The following ANGPTL5 variants were observed in gnomAD, a reference collection of about 807,000 sequenced individuals.
ANGPTL5 encodes angiopoietin like 5, also known as angiopoietin-related protein 5.
ANGPTL5 carries 34 observed loss-of-function variants against 39.4 expected under a neutral mutation model. That is an observed-to-expected ratio of 0.86 (90% confidence interval 0.66 to 1.15). The LOEUF is 1.15. Ranked by LOEUF, ANGPTL5 falls within the 50% of genes most tolerant of loss-of-function variation. The pLI is 0.00. For missense variants in ANGPTL5, 467 were observed against 457.5 expected (o/e 1.02, Z -0.19); for synonymous variants, 146 against 152.1 (o/e 0.96, Z 0.29).
intron 1 of ANGPTL5, chr11:101,914,865 G>A (rs371163090): frequency 5.8e-6 from 1 of 172,998 alleles, no homozygotes; most frequent in African/African-American, 2.4e-5. Flanking sequence ...CTCACCCCTC[G>A]CGCAACAACC....
chr11:101,894,889 T>C lies in ANGPTL5; in HGVS notation c.837A>G (p.Ser279=). 1 of 1,612,678 alleles carries C rather than the reference T, an allele frequency of 6.2e-7. No individual in the cohort carries two copies. Among genetic ancestry groups the C allele is most frequent in the Non-Finnish European group, 8.5e-7 (1 of 1,178,884 alleles). ...RFFKMHLGRY[S]GNAGDAFRGL... ...TAAAAAAAATCTTACCAGCATTTCC[T>C]GAATACCGTCCTAAGTGCATTTTAA... is the stretch of plus-strand genomic sequence containing the variant. Residue 279 remains serine (S), a synonymous_variant, in exon 8 of 9, where the codon TCA becomes TCG. Coordinates refer to ENST00000334289, the MANE Select transcript of ANGPTL5 (RefSeq NM_178127.5).
chr11:101,900,103 G>T (rs750229004), intron 7 of ANGPTL5, among the ~76,000 whole-genome samples: 1 of 152,090 alleles, frequency 6.6e-6, no homozygotes, highest in Non-Finnish European at 1.5e-5. Context: ...CTAGGACAAC[G>T]CTGCCATTCA....
intron 1 of ANGPTL5, among the ~76,000 whole-genome samples, chr11:101,910,028 T>C (rs1940063009): frequency 6.6e-6 from 1 of 152,252 alleles, no homozygotes; most frequent in Non-Finnish European, 1.5e-5. Flanking sequence ...GGTGGAGCTC[T>C]CTGAACTTCT....
intron 5 of ANGPTL5, among the ~76,000 whole-genome samples, chr11:101,903,782 T>C (rs1939950278): frequency 6.6e-6 from 1 of 152,192 alleles, no homozygotes. Context: ...TTCAAATTAA[T>C]GTGAACAGAT....
In ANGPTL5 at chr11:101,906,295, C is replaced by A. The variant is rs541622001; in HGVS notation, c.242-448G>T. Among the ~76,000 whole-genome samples the A allele has an allele frequency of 2.0e-5, 3 of 152,180 alleles. No individual in the cohort carries two copies. The South Asian group carries it at 6.2e-4, about 32-fold the overall frequency. The stretch of plus-strand genomic sequence containing the variant: ...TTTTTCTATTAATACTATATTTACA[C>A]AATTAAATTGCTAGCACATACATAT... On this transcript the variant is annotated intron_variant, in intron 3 of 8. Transcript: ENST00000334289.
rs145627648 is a variant in ANGPTL5 at position 101,913,228 on chromosome 11, T to C, written c.-93+2791A>G. On this transcript the variant is annotated intron_variant, in intron 1 of 8. Coordinates refer to ENST00000334289, the MANE Select transcript of ANGPTL5 (RefSeq NM_178127.5). ...AAGAGGACTGCTCACTTGAGTGCCTTTGTGTCCTAAAAAAAATTTAGACAT... is the reference window on the plus strand; with the variant it reads ...AAGAGGACTGCTCACTTGAGTGCCTCTGTGTCCTAAAAAAAATTTAGACAT... Among the ~76,000 whole-genome samples, 755 of 152,298 alleles carry C rather than the reference T, an allele frequency of 5.0e-3. 7 individuals are homozygous for C. The highest frequency in any genetic ancestry group is 0.017 in the African/African-American group (727 of 41,550).
At chr11:101,901,861 A>G (rs1939906109) in intron 6 of ANGPTL5, among the ~76,000 whole-genome samples, 1 of 152,126 alleles carries the variant, frequency 6.6e-6, no homozygotes, top group Non-Finnish European at 1.5e-5. Flanking sequence ...TCCAATAAAG[A>G]CTATCAATAA....
At chr11:101,894,567 G>A (rs1332511381) in intron 8 of ANGPTL5, among the ~76,000 whole-genome samples, 1 of 152,140 alleles carries the variant, frequency 6.6e-6, no homozygotes, top group African/African-American at 2.4e-5. Context: ...ACTTCTAAAT[G>A]TCAGCCTCTC....
At chr11:101,915,543 C>G in intron 1 of ANGPTL5, 6 of 1,186,438 alleles carry the variant, frequency 5.1e-6, no homozygotes, top group Non-Finnish European at 7.0e-6. Context: ...CAGATATTTC[C>G]TTTAGCAACT....
At chr11:101,911,193 G>A (rs1487871161) in intron 1 of ANGPTL5, among the ~76,000 whole-genome samples, 5 of 127,074 alleles carry the variant, frequency 3.9e-5, no homozygotes, top group South Asian at 2.7e-4. Flanking sequence ...GCACAATCTC[G>A]GCTCACTGCA....
rs755769571 is a variant in ANGPTL5, at chr11:101,891,523, T to A, written c.923A>T (p.Asp308Val). Residue 308 changes from aspartate to valine, a missense_variant, in exon 9 of 9, where the codon GAT becomes GTT. Asp to Val is a radical substitution (Grantham distance 152). Coordinates refer to ENST00000334289, the MANE Select transcript of ANGPTL5 (RefSeq NM_178127.5). The part of the protein sequence containing the change: ...MPFSTSDVDN[D>V]GCRPACLVNG... The stretch of plus-strand genomic sequence containing the variant: ...GACCAGGCATGCAGGGCGACACCCA[T>A]CATTATCAACATCTGATGTGCTAAA... 7.4e-6 allele frequency: 12 copies of A among 1,614,102 alleles called. No homozygotes were observed. Among genetic ancestry groups the A allele is most frequent in the Admixed American group, 1.7e-5 (1 of 59,988 alleles).
At chr11:101,895,120 TA>T in intron 7 of ANGPTL5, 56 bp from the exon 8 acceptor site, 1 of 1,312,410 alleles carries the variant, frequency 7.6e-7, no homozygotes, top group Non-Finnish European at 1.0e-6. Context: ...AATAATGGTT[TA>T]TTATTGAATG....
intron 8 of ANGPTL5, among the ~76,000 whole-genome samples, chr11:101,893,171 A>C (rs1305129315): frequency 2.0e-5 from 3 of 152,234 alleles, no homozygotes; most frequent in African/African-American, 4.8e-5. Flanking sequence ...TTATTTCCTT[A>C]AAAATAGCCT....
chr11:101,905,770 C>A lies in ANGPTL5; in HGVS notation c.319G>T (p.Ala107Ser), dbSNP rs760300183. 2 of 1,610,256 alleles carry A rather than the reference C, an allele frequency of 1.2e-6. No individual in the cohort carries two copies. The highest frequency in any genetic ancestry group is 1.7e-6 in the Non-Finnish European group (2 of 1,177,230). ...TGATTAGATAAATAATCCAAGGAAGCTTGTTGCTCATCCATCATATTCCTT... is the reference window on the plus strand; with the variant it reads ...TGATTAGATAAATAATCCAAGGAAGATTGTTGCTCATCCATCATATTCCTT... ...LLRNMMDEQQASLDYLSNQVN... is the reference protein window; with the variant it reads ...LLRNMMDEQQSSLDYLSNQVN... Residue 107 changes from alanine to serine, a missense_variant, in exon 4 of 9, where the codon GCT becomes TCT. Coordinates refer to ENST00000334289, the MANE Select transcript of ANGPTL5 (RefSeq NM_178127.5).
Position 101,916,522 on chromosome 11 carries a change from C to T in ANGPTL5, c.-596G>A, listed in dbSNP as rs1012933571. Reference sequence around the variant, plus strand: ...AATAGCTGCTTCTAGTTCCTCTCATCTATTCATTATTAACCCCATTCAGTT... The same window carrying T: ...AATAGCTGCTTCTAGTTCCTCTCATTTATTCATTATTAACCCCATTCAGTT... On this transcript the variant is annotated 5_prime_UTR_variant, in exon 1 of 9. Coordinates refer to ENST00000334289, the MANE Select transcript of ANGPTL5 (RefSeq NM_178127.5). 5 of 152,256 alleles carry T rather than the reference C, an allele frequency of 3.3e-5. No homozygotes were observed. Among genetic ancestry groups the T allele is most frequent in the Non-Finnish European group, 5.9e-5 (4 of 68,048 alleles). The allele number at this position is 152,256 out of a possible 1,614,324, so 9.4% of individuals were successfully genotyped here. A position where few individuals can be genotyped will look rare whatever the true frequency, so the allele number is the denominator to read the frequency against.
In ANGPTL5 at chr11:101,891,554, T is replaced by C. The variant is rs144846970; in HGVS notation, c.892A>G (p.Met298Val). Residue 298 changes from methionine to valine, a missense_variant, in exon 9 of 9, where the codon ATG becomes GTG. Coordinates refer to ENST00000334289, the MANE Select transcript of ANGPTL5 (RefSeq NM_178127.5). ...GLKKEDNQNA[M>V]PFSTSDVDND... is the part of the protein sequence containing the mutation. ...TCAACATCTGATGTGCTAAAAGGCA[T>C]TGCATTTTGATTATCTTCTTTTTTG... is the stretch of plus-strand genomic sequence containing the variant. 95 of 1,614,040 alleles carry C rather than the reference T, an allele frequency of 5.9e-5. No homozygotes were observed. In the African/African-American group the frequency reaches 9.6e-4, roughly 16 times the overall value.
intron 7 of ANGPTL5, among the ~76,000 whole-genome samples, chr11:101,897,954 T>C (rs1391181116): frequency 6.6e-6 from 1 of 152,162 alleles, no homozygotes; most frequent in Non-Finnish European, 1.5e-5. Context: ...GCAGGCACAG[T>C]GGCTCATGTC....
intron 8 of ANGPTL5, among the ~76,000 whole-genome samples, chr11:101,894,402 T>C (rs1565337796): frequency 6.6e-6 from 1 of 152,196 alleles, no homozygotes; most frequent in Non-Finnish European, 1.5e-5. Context: ...TGCATCAAAG[T>C]ATAATGAAAA....
chr11:101,892,494 G>A (rs947081801), intron 8 of ANGPTL5, among the ~76,000 whole-genome samples: 3 of 152,252 alleles, frequency 2.0e-5, no homozygotes, highest in African/African-American at 7.2e-5. Flanking sequence ...GCCTCCCAAA[G>A]TGCTAGGATT....
Sources: gnomAD v4.1 joint callset for allele counts (sites outside exome capture counted in the v4.1 genomes callset) on GRCh38, gnomAD v4.1.1 for gene constraint, MANE v1.5 for transcripts, NCBI Gene and HGNC (gene_info 2026-07-23, HGNC 2026-07-21) for gene names.